ADGRB3: variants seen among roughly 807,000 people sequenced by gnomAD.
The protein encoded by ADGRB3 is adhesion G protein-coupled receptor B3, also known as brain-specific angiogenesis inhibitor 3.
Under a neutral mutation model 193.4 loss-of-function variants are expected in ADGRB3, and 37 were observed. The observed-to-expected ratio is 0.19, with a 90% CI of 0.15 to 0.25. The LOEUF is 0.25. Ranked by LOEUF, ADGRB3 falls within the 10% of genes least tolerant of loss-of-function variation. The pLI, the probability that ADGRB3 is intolerant of heterozygous loss-of-function variation, is 1.00. For missense variants in ADGRB3, 1,637 were observed against 1,852.9 expected (o/e 0.88, Z 2.14); for synonymous variants, 690 against 644.2 (o/e 1.07, Z -1.08).
chr6:68,894,044 A>T (rs1932608), intron 3 of ADGRB3, among the ~76,000 whole-genome samples: 6 of 151,768 alleles, frequency 4.0e-5, no homozygotes, highest in African/African-American at 4.8e-5. Context: ...AACTATAAAA[A>T]GTAATCCTGC....
chr6:68,842,444 A>G (rs1768176947), intron 3 of ADGRB3, among the ~76,000 whole-genome samples: 1 of 151,998 alleles, frequency 6.6e-6, no homozygotes. Flanking sequence ...AAATTCCTAG[A>G]CACATGCAGC....
chr6:69,160,440 A>G (rs1189592649), intron 17 of ADGRB3, among the ~76,000 whole-genome samples: 2 of 152,088 alleles, frequency 1.3e-5, no homozygotes, highest in African/African-American at 4.8e-5. Flanking sequence ...ATATCTAATC[A>G]TGACATTCAC....
chr6:68,754,879 A>T (rs562010), intron 3 of ADGRB3, among the ~76,000 whole-genome samples: 1 of 151,962 alleles, frequency 6.6e-6, no homozygotes, highest in Non-Finnish European at 1.5e-5. Context: ...GCCATGGGGG[A>T]ATTTCTTGAG....
chr6:68,932,319 A>G (rs1474327937), intron 4 of ADGRB3, among the ~76,000 whole-genome samples: 1 of 152,202 alleles, frequency 6.6e-6, no homozygotes, highest in Non-Finnish European at 1.5e-5. Flanking sequence ...AATATTATGC[A>G]ATTTAGCCAA....
At chr6:68,781,909 G>A (rs886483812) in intron 3 of ADGRB3, among the ~76,000 whole-genome samples, 1 of 152,096 alleles carries the variant, frequency 6.6e-6, no homozygotes, top group African/African-American at 2.4e-5. Context: ...AAGAAGGGAA[G>A]TGTAGGTAAT....
rs1362937201 is a variant in ADGRB3, at chr6:68,809,808, CT to C, written c.758-120745del. On this transcript the variant is annotated intron_variant, in intron 3 of 31. Transcript: ENST00000370598. Reference sequence around the variant, plus strand: ...GTGGTAAAAACATATTAGTCTCTGCCTTTTTTCTCTCCAATACGTAAAGCTG... The same window carrying C: ...GTGGTAAAAACATATTAGTCTCTGCCTTTTTCTCTCCAATACGTAAAGCTG... Among the ~76,000 whole-genome samples, 7 of 152,164 alleles carry C rather than the reference CT, an allele frequency of 4.6e-5. No homozygotes were observed. In the South Asian group the frequency reaches 1.2e-3, roughly 27 times the overall value.
intron 3 of ADGRB3, among the ~76,000 whole-genome samples, chr6:68,720,597 T>C (rs1178846943): frequency 4.6e-5 from 7 of 151,766 alleles, no homozygotes; most frequent in East Asian, 1.9e-4. Context: ...GTTAGAATAC[T>C]GAATCTATTA....
intron 3 of ADGRB3, among the ~76,000 whole-genome samples, chr6:68,665,782 T>G (rs1280896427): frequency 2.0e-5 from 3 of 151,842 alleles, no homozygotes; most frequent in African/African-American, 7.2e-5. Context: ...TTTCCAATAA[T>G]TTATACTTAT....
At chr6:69,184,640 G>T (rs1005566253) in intron 17 of ADGRB3, among the ~76,000 whole-genome samples, 1 of 151,980 alleles carries the variant, frequency 6.6e-6, no homozygotes, top group African/African-American at 2.4e-5. Flanking sequence ...ACTTTTTAGA[G>T]ATATTTTATT....
intron 3 of ADGRB3, among the ~76,000 whole-genome samples, chr6:68,658,667 T>A (rs1031345238): frequency 6.6e-6 from 1 of 151,336 alleles, no homozygotes; most frequent in Non-Finnish European, 1.5e-5. Flanking sequence ...TAAATTAGTA[T>A]ACATATTTAT....
At chr6:68,771,150 C>G (rs1766609254) in intron 3 of ADGRB3, among the ~76,000 whole-genome samples, 1 of 151,884 alleles carries the variant, frequency 6.6e-6, no homozygotes, top group Non-Finnish European at 1.5e-5. Context: ...TAAATTTTTG[C>G]TATGTAAACT....
At chr6:68,999,118 T>C (rs1240051586) in intron 11 of ADGRB3, among the ~76,000 whole-genome samples, 1 of 152,232 alleles carries the variant, frequency 6.6e-6, no homozygotes, top group Non-Finnish European at 1.5e-5. Flanking sequence ...TGTTTTGGAA[T>C]GATAAGCCAC....
chr6:69,339,513 C>A lies in ADGRB3; in HGVS notation c.3459+9C>A. ...GCATTCTTCGGAGAGAGGTGAGAAG[C>A]ATTCTTGTGATAGAGAACAGTGATG... On this transcript the variant is annotated intron_variant, in intron 26 of 31. Transcript: ENST00000370598. The A allele has an allele frequency of 6.2e-7, 1 of 1,610,118 alleles. No individual in the cohort carries two copies. Among genetic ancestry groups the A allele is most frequent in the Non-Finnish European group, 8.5e-7 (1 of 1,177,026 alleles).
rs191010517 is a variant in ADGRB3, at chr6:69,081,238, G to T, written c.2480+5200G>T. 3.0e-3 allele frequency among the ~76,000 whole-genome samples: 453 copies of T among 151,968 alleles called. 1 individual carries two copies. The highest frequency in any genetic ancestry group is 5.0e-3 in the Admixed American group (76 of 15,262). On this transcript the variant is annotated intron_variant, in intron 17 of 31. Transcript: ENST00000370598. ...ATTATAAAACTATGTTATGCTTTTTGTCCCTTGATTATATTCACACTGAAA... is the reference window on the plus strand; with the variant it reads ...ATTATAAAACTATGTTATGCTTTTTTTCCCTTGATTATATTCACACTGAAA...
chr6:68,933,308 T>A (rs1767394534), intron 4 of ADGRB3, among the ~76,000 whole-genome samples: 1 of 152,166 alleles, frequency 6.6e-6, no homozygotes, highest in Non-Finnish European at 1.5e-5. Context: ...AAAATAAAAT[T>A]AGGCTGGGTG....
chr6:69,170,650 G>C (rs981364738), intron 17 of ADGRB3, among the ~76,000 whole-genome samples: 1 of 152,168 alleles, frequency 6.6e-6, no homozygotes, highest in Admixed American at 6.5e-5. Context: ...CTGATATATA[G>C]AAAAGGTGTT....
At chr6:69,029,960 A>G (rs944939245) in intron 13 of ADGRB3, among the ~76,000 whole-genome samples, 6 of 141,588 alleles carry the variant, frequency 4.2e-5, no homozygotes, top group African/African-American at 1.4e-4. Flanking sequence ...ATATATATAT[A>G]TATGATATAT....
At chr6:69,259,415 G>T (rs952753331) in intron 20 of ADGRB3, among the ~76,000 whole-genome samples, 5 of 152,130 alleles carry the variant, frequency 3.3e-5, no homozygotes, top group East Asian at 1.9e-4. Flanking sequence ...TCTAAAATGG[G>T]CTGGGCGCGG....
Position 68,940,547 on chromosome 6 carries a change from C to CTTTTTTTTTT in ADGRB3, c.1031-3271_1031-3262dup. On this transcript the variant is annotated intron_variant, in intron 5 of 31. Transcript: ENST00000370598. ...CTGCAGGCTAAGGAATGCTTTTGAA[C>CTTTTTTTTTT]TTTTTTTTTTTTTTTTTTTTTGCTA... Among the ~76,000 whole-genome samples the CTTTTTTTTTT allele has an allele frequency of 2.1e-3, 145 of 69,192 alleles. 12 individuals are homozygous for CTTTTTTTTTT. The highest frequency in any genetic ancestry group is 6.8e-3 in the African/African-American group (119 of 17,558). The allele number at this position is 69,192 out of a possible 152,430, so 45.4% of individuals were successfully genotyped here. A position where few individuals can be genotyped will look rare whatever the true frequency, so the allele number is the denominator to read the frequency against.
Sources: gnomAD v4.1 joint callset for allele counts (sites outside exome capture counted in the v4.1 genomes callset) on GRCh38, gnomAD v4.1.1 for gene constraint, MANE v1.5 for transcripts, NCBI Gene and HGNC (gene_info 2026-07-23, HGNC 2026-07-21) for gene names.